SEMA6D: variants seen among roughly 807,000 people sequenced by gnomAD.
The protein encoded by SEMA6D is semaphorin 6D, also known as semaphorin-6D.
In SEMA6D, 35 loss-of-function variants were observed where a neutral mutation model predicts 106.6. The ratio of observed to expected loss-of-function variants is 0.33; its 90% confidence interval spans 0.25 to 0.44. The LOEUF is 0.44. Ranked by LOEUF, SEMA6D falls within the 20% of genes least tolerant of loss-of-function variation. The pLI is 1.00. For missense variants in SEMA6D, 1,185 were observed against 1,345.9 expected, an observed-to-expected ratio of 0.88 and a Z score of 1.87; for synonymous variants, 499 against 487.7, an observed-to-expected ratio of 1.02 and a Z score of -0.31.
intron 1 of SEMA6D, among the ~76,000 whole-genome samples, chr15:47,286,683 G>C (rs2035377120): frequency 6.6e-6 from 1 of 152,096 alleles, no homozygotes. Context: ...ATTTGGAAAA[G>C]GGAAGACTTC....
intron 2 of SEMA6D, among the ~76,000 whole-genome samples, chr15:47,441,070 T>C (rs2041867839): frequency 6.6e-6 from 1 of 152,052 alleles, no homozygotes; most frequent in African/African-American, 2.4e-5. Flanking sequence ...GGCAGCATTG[T>C]GAGGTTAATC....
intron 4 of SEMA6D, among the ~76,000 whole-genome samples, chr15:47,617,818 T>C (rs1444239623): frequency 2.0e-5 from 3 of 152,198 alleles, no homozygotes; most frequent in Non-Finnish European, 4.4e-5. Flanking sequence ...ACTTAGAACA[T>C]TGCCTGGCAC....
chr15:47,209,575 T>C (rs913240812), intron 1 of SEMA6D, among the ~76,000 whole-genome samples: 2 of 152,226 alleles, frequency 1.3e-5, no homozygotes, highest in African/African-American at 4.8e-5. Context: ...CGCTGTAACA[T>C]ATTCCACTGT....
intron 2 of SEMA6D, among the ~76,000 whole-genome samples, chr15:47,424,172 C>A (rs1038576644): frequency 1.3e-5 from 2 of 151,954 alleles, no homozygotes; most frequent in Non-Finnish European, 2.9e-5. Context: ...AGTAGCTATG[C>A]TAACTAGGAA....
intron 1 of SEMA6D, among the ~76,000 whole-genome samples, chr15:47,235,021 CT>C (rs953368629): frequency 1.7e-4 from 26 of 151,944 alleles, no homozygotes; most frequent in Non-Finnish European, 3.5e-4. Context: ...TGTTTTTTGA[CT>C]TTTTAATAAT....
chr15:47,563,629 A>C (rs1293931811), intron 3 of SEMA6D, among the ~76,000 whole-genome samples: 1 of 152,114 alleles, frequency 6.6e-6, no homozygotes, highest in Non-Finnish European at 1.5e-5. Context: ...TCTTCTCTGT[A>C]TTATAATTAA....
intron 2 of SEMA6D, among the ~76,000 whole-genome samples, chr15:47,415,170 G>A (rs192579443): frequency 6.6e-6 from 1 of 152,228 alleles, no homozygotes; most frequent in Non-Finnish European, 1.5e-5. Context: ...GCTTACAGTT[G>A]CTCTGAGCTC....
At chr15:47,364,012 AAT>A (rs1382132378) in intron 1 of SEMA6D, among the ~76,000 whole-genome samples, 4 of 152,112 alleles carry the variant, frequency 2.6e-5, no homozygotes, top group Admixed American at 6.5e-5. Flanking sequence ...CCACTCCCAT[AAT>A]CCAGTCTCCT....
At chr15:47,316,212 C>G (rs1939670593) in intron 1 of SEMA6D, among the ~76,000 whole-genome samples, 1 of 149,856 alleles carries the variant, frequency 6.7e-6, no homozygotes, top group Admixed American at 6.7e-5. Context: ...CCTGCCTCAG[C>G]CTCCTGAGTA....
intron 1 of SEMA6D, chr15:47,380,677 A>G (rs2039610406): frequency 6.6e-6 from 1 of 152,256 alleles, no homozygotes. Flanking sequence ...TTTTATGGGC[A>G]TGGAAGTATA....
chr15:47,426,775 GT>G (rs1188069498), intron 2 of SEMA6D, among the ~76,000 whole-genome samples: 38 of 152,084 alleles, frequency 2.5e-4, no homozygotes, highest in Admixed American at 1.5e-3. Flanking sequence ...GAAAGGACTA[GT>G]TTTGAATATG....
Position 47,759,754 on chromosome 15 carries a change from T to C in SEMA6D, c.-45T>C, listed in dbSNP as rs773248396. 7.3e-7 allele frequency: 1 copy of C among 1,365,498 alleles called. No homozygotes were observed. Among genetic ancestry groups the C allele is most frequent in the South Asian group, 1.2e-5 (1 of 86,124 alleles). The allele number at this position is 1,365,498 out of a possible 1,614,324, so 84.6% of individuals were successfully genotyped here. A position where few individuals can be genotyped will look rare whatever the true frequency, so the allele number is the denominator to read the frequency against. ...TGCTTCTGTTTTCCAGGTAGCTCAG[T>C]GGCATTTCTGAGCAGGGGCCACCCT... On this transcript the variant is annotated 5_prime_UTR_variant, in exon 2 of 19. Transcript: ENST00000536845.
intron 4 of SEMA6D, among the ~76,000 whole-genome samples, chr15:47,615,485 T>C (rs28538356): frequency 0.032 from 4,876 of 152,276 alleles, 259 homozygotes; most frequent in African/African-American, 0.11. Context: ...AATTAAGGCT[T>C]CATTTATACA....
intron 1 of SEMA6D, among the ~76,000 whole-genome samples, chr15:47,210,767 A>AC (rs2029914678): frequency 6.6e-6 from 1 of 150,616 alleles, no homozygotes; most frequent in African/African-American, 2.4e-5. Flanking sequence ...TCCGTCTCAA[A>AC]AAAAAAAAAA....
intron 1 of SEMA6D, among the ~76,000 whole-genome samples, chr15:47,247,413 C>A (rs1250608387): frequency 2.0e-5 from 3 of 151,588 alleles, no homozygotes; most frequent in Non-Finnish European, 4.4e-5. Context: ...TATATTGTTC[C>A]TCCTATATAG....
chr15:47,267,586 T>C (rs965478214), intron 1 of SEMA6D, among the ~76,000 whole-genome samples: 2 of 152,160 alleles, frequency 1.3e-5, no homozygotes, highest in Non-Finnish European at 2.9e-5. Flanking sequence ...ATTCTTTGTA[T>C]CTATTTTTTG....
At chr15:47,323,594 A>C (rs1041087293) in intron 1 of SEMA6D, among the ~76,000 whole-genome samples, 2 of 152,014 alleles carry the variant, frequency 1.3e-5, no homozygotes, top group African/African-American at 2.4e-5. Context: ...GGAAGTTCTC[A>C]CTCTGGTCAT....
intron 4 of SEMA6D, among the ~76,000 whole-genome samples, chr15:47,701,375 G>A (rs2078807600): frequency 6.6e-6 from 1 of 152,138 alleles, no homozygotes; most frequent in Non-Finnish European, 1.5e-5. Context: ...GAGGGGGATT[G>A]GGGAGATGTT....
intron 2 of SEMA6D, among the ~76,000 whole-genome samples, chr15:47,447,753 T>C (rs1438481731): frequency 6.6e-6 from 1 of 152,070 alleles, no homozygotes; most frequent in Non-Finnish European, 1.5e-5. Flanking sequence ...TGCTGATTGG[T>C]TAGGAGCACA....
Sources: allele counts gnomAD v4.1 joint callset (sites outside exome capture counted in the v4.1 genomes callset), GRCh38; gene constraint gnomAD v4.1.1; transcripts MANE v1.5; gene names NCBI Gene and HGNC (gene_info 2026-07-23, HGNC 2026-07-21).